BNIP2: variants seen among roughly 807,000 people sequenced by gnomAD.
The protein encoded by BNIP2 is BCL2/adenovirus E1B 19 kDa protein-interacting protein 2.
A neutral mutation model predicts 43.4 loss-of-function variants in BNIP2; 36 were observed. That is an observed-to-expected ratio of 0.83 (90% confidence interval 0.64 to 1.10). The LOEUF (loss-of-function observed/expected upper bound fraction) is 1.10, where lower values mean the gene tolerates loss of function less well. BNIP2 is among the 50% of genes least tolerant of loss of function. BNIP2 has a pLI of 0.00. For missense variants in BNIP2, 417 were observed against 374.1 expected (o/e 1.11, Z -0.95); for synonymous variants, 146 against 121.0 (o/e 1.21, Z -1.35).
intron 4 of BNIP2, 168 bp downstream of exon 4, chr15:59,679,424 C>A: frequency 3.3e-6 from 2 of 611,630 alleles, no homozygotes; most frequent in Non-Finnish European, 2.5e-6. Flanking sequence ...GGGAAAAAAG[C>A]CACTGGTGTA....
At position 59,663,891 on chromosome 15, in the gene BNIP2, T is replaced by C; in HGVS notation, c.*178A>G. ...ATTAAAGAGCTAAATTCAAGAAATT[T>C]GCAAACCAGTACAGCAGTGAACAGT... On this transcript the variant is annotated 3_prime_UTR_variant, in exon 10 of 10. Coordinates refer to ENST00000607373, the MANE Select transcript of BNIP2 (RefSeq NM_004330.4). 2.4e-6 allele frequency: 1 copy of C among 412,576 alleles called. No individual in the cohort carries two copies. The highest frequency in any genetic ancestry group is 4.2e-6 in the Non-Finnish European group (1 of 235,698). The allele number at this position is 412,576 out of a possible 1,614,324, so 25.6% of individuals were successfully genotyped here.
rs6151483 is a variant in BNIP2 at position 59,682,578 on chromosome 15, A to C, written c.-57-64T>G. 6 of 1,255,582 alleles carry C rather than the reference A, an allele frequency of 4.8e-6. No homozygotes were observed. In the African/African-American group the frequency reaches 6.0e-5, roughly 13 times the overall value. The allele number at this position is 1,255,582 out of a possible 1,614,324, so 77.8% of individuals were successfully genotyped here. A position where few individuals can be genotyped will look rare whatever the true frequency, so the allele number is the denominator to read the frequency against. ...TACTTTTTATCCACTGAAAAGGCGTAATAATCTTATATATTAGTTCATACT... is the reference window on the plus strand; with the variant it reads ...TACTTTTTATCCACTGAAAAGGCGTCATAATCTTATATATTAGTTCATACT... On this transcript the variant is annotated intron_variant, in intron 1 of 9. Coordinates refer to ENST00000607373, the MANE Select transcript of BNIP2 (RefSeq NM_004330.4).
intron 4 of BNIP2, chr15:59,678,815 A>G (rs1372477654): frequency 7.7e-7 from 1 of 1,303,210 alleles, no homozygotes; most frequent in Admixed American, 2.3e-5. Flanking sequence ...GTTAACGGAA[A>G]ATATCCTTCC....
chr15:59,672,916 CA>C (rs1893026443), intron 5 of BNIP2, among the ~76,000 whole-genome samples, 177 bp from the exon 6 acceptor site: 1 of 151,676 alleles, frequency 6.6e-6, no homozygotes, highest in Admixed American at 6.6e-5. Context: ...GTCTTCTTCC[CA>C]AAAAGAGAAC....
intron 6 of BNIP2, chr15:59,672,377 G>C: frequency 3.6e-6 from 1 of 279,378 alleles, no homozygotes; most frequent in Non-Finnish European, 6.8e-6. Flanking sequence ...GGGCTCAGGT[G>C]ATACTTCCAC....
chr15:59,666,089 G>C (rs1892551499), intron 9 of BNIP2, among the ~76,000 whole-genome samples: 1 of 151,692 alleles, frequency 6.6e-6, no homozygotes, highest in Admixed American at 6.6e-5. Context: ...TTAACAATCT[G>C]TATCTGCATG....
rs990625968 is a variant in BNIP2, at chr15:59,689,320, T to C, written c.-243A>G. Reference sequence around the variant, plus strand: ...GCGGCAGCAGCTGACCCGGACACAGTGAGAAGCCCCGGCGGAAGTGATAAC... The same window carrying C: ...GCGGCAGCAGCTGACCCGGACACAGCGAGAAGCCCCGGCGGAAGTGATAAC... On this transcript the variant is annotated 5_prime_UTR_variant, in exon 1 of 10. Transcript: ENST00000607373. The C allele has an allele frequency of 1.9e-6, 3 of 1,547,432 alleles. No homozygotes were observed. The highest frequency in any genetic ancestry group is 2.6e-6 in the Non-Finnish European group (3 of 1,145,820).
chr15:59,671,376 C>G (rs1304655961), intron 6 of BNIP2, 62 bp from the exon 7 acceptor site: 1 of 1,426,228 alleles, frequency 7.0e-7, no homozygotes, highest in Non-Finnish European at 9.5e-7. Flanking sequence ...ACTAGGTTCT[C>G]TAAATTGTAC....
Position 59,689,221 on chromosome 15 carries a change from CGAGCGG to C in BNIP2, c.-150_-145del, listed in dbSNP as rs1566990244. 2 of 1,540,988 alleles carry C rather than the reference CGAGCGG, an allele frequency of 1.3e-6. No homozygotes were observed. Among genetic ancestry groups the C allele is most frequent in the Admixed American group, 2.0e-5 (1 of 50,944 alleles). On this transcript the variant is annotated 5_prime_UTR_variant, in exon 1 of 10. Transcript: ENST00000607373. ...ACGGCCAGGTCGCAAAAAGCAGGGCCGAGCGGAGCCCGCTCCCCTCGGTCGGCGGTG... is the reference window on the plus strand; with the variant it reads ...ACGGCCAGGTCGCAAAAAGCAGGGCCAGCCCGCTCCCCTCGGTCGGCGGTG...
intron 9 of BNIP2, 168 bp downstream of exon 9, chr15:59,668,724 G>A (rs1187891722): frequency 3.1e-5 from 17 of 553,302 alleles, no homozygotes; most frequent in East Asian, 6.4e-5. Context: ...GGGGGATGGT[G>A]TGGGAAAATG....
At position 59,668,788 on chromosome 15, in the gene BNIP2, A is replaced by C. The variant is rs1352894215; in HGVS notation, c.893+104T>G. On this transcript the variant is annotated intron_variant, in intron 9 of 9. Coordinates refer to ENST00000607373, the MANE Select transcript of BNIP2 (RefSeq NM_004330.4). ...CACACACACACGCGCGCGCGCGCAC[A>C]GTTATAAAATATAATACATAAAGAA... The C allele has an allele frequency of 2.8e-6, 3 of 1,059,604 alleles. No individual in the cohort carries two copies. In the African/African-American group the frequency reaches 4.9e-5, roughly 17 times the overall value. The allele number at this position is 1,059,604 out of a possible 1,614,324, so 65.6% of individuals were successfully genotyped here.
intron 5 of BNIP2, chr15:59,676,877 C>T: frequency 6.3e-7 from 1 of 1,592,730 alleles, no homozygotes; most frequent in East Asian, 2.3e-5. Flanking sequence ...GCTGCGTTCG[C>T]TCACCGCTGT....
rs1258416208 is a variant in BNIP2 at position 59,661,602 on chromosome 15, A to G, written c.*2467T>C. The G allele has an allele frequency of 6.6e-6, 1 of 152,194 alleles. No individual in the cohort carries two copies. Among genetic ancestry groups the G allele is most frequent in the African/African-American group, 2.4e-5 (1 of 41,450 alleles). 9.4% of individuals were successfully genotyped at this position (152,194 alleles called of 1,614,324 possible). ...AGAACACAGAATCAAATTATTTCACATGAAAAACTTCTGACTAAAAAAGGG... is the reference window on the plus strand; with the variant it reads ...AGAACACAGAATCAAATTATTTCACGTGAAAAACTTCTGACTAAAAAAGGG... On this transcript the variant is annotated 3_prime_UTR_variant, in exon 10 of 10. Transcript: ENST00000607373.
intron 5 of BNIP2, among the ~76,000 whole-genome samples, chr15:59,675,703 C>G (rs1395785385): frequency 6.6e-6 from 1 of 152,136 alleles, no homozygotes; most frequent in African/African-American, 2.4e-5. Flanking sequence ...ACAGCCCAAG[C>G]TGGAAACAAC....
intron 1 of BNIP2, 42 bp from the exon 2 acceptor site, chr15:59,682,556 T>G (rs1390015042): frequency 3.3e-6 from 5 of 1,504,268 alleles, no homozygotes; most frequent in Non-Finnish European, 4.6e-6. Flanking sequence ...TCCACTTTAC[T>G]TTTTATCCAC....
intron 5 of BNIP2, among the ~76,000 whole-genome samples, chr15:59,673,404 G>A (rs1335731496): frequency 4.6e-5 from 7 of 151,890 alleles, no homozygotes; most frequent in East Asian, 1.9e-4. Flanking sequence ...GTGAGCCACC[G>A]TGCCCGGCAA....
chr15:59,673,694 G>T (rs1893080758), intron 5 of BNIP2, among the ~76,000 whole-genome samples: 1 of 152,158 alleles, frequency 6.6e-6, no homozygotes, highest in South Asian at 2.1e-4. Context: ...GCCTCCCAAA[G>T]CACTGGGCAT....
At chr15:59,669,416 A>T in intron 7 of BNIP2, 54 bp from the exon 8 acceptor site, 1 of 1,222,026 alleles carries the variant, frequency 8.2e-7, no homozygotes, top group Middle Eastern at 2.2e-4. Context: ...AATTTCTATA[A>T]ATTCTAATGC....
chr15:59,672,741 T>TA lies in BNIP2; in HGVS notation c.473-3dup, dbSNP rs1330040026. 5.0e-6 allele frequency: 8 copies of TA among 1,611,602 alleles called. No homozygotes were observed. Among genetic ancestry groups the TA allele is most frequent in the East Asian group, 2.2e-5 (1 of 44,818 alleles). ...CATTTAATCCATCCCCATAATATCC[T>TA]AAAAAAGAAACCAAAGACAGTATCA... On this transcript the variant is annotated splice_region_variant and splice_polypyrimidine_tract_variant and intron_variant, in intron 5 of 9. Transcript: ENST00000607373.
Sources: allele counts gnomAD v4.1 joint callset (sites outside exome capture counted in the v4.1 genomes callset), GRCh38; gene constraint gnomAD v4.1.1; transcripts MANE v1.5; gene names NCBI Gene and HGNC (gene_info 2026-07-23, HGNC 2026-07-21).